The following PTPRQ variants were observed in gnomAD, a reference collection of about 807,000 sequenced individuals.
PTPRQ encodes the protein phosphatidylinositol phosphatase PTPRQ.
PTPRQ carries 199 observed loss-of-function variants against 246.0 expected under a neutral mutation model. The ratio of observed to expected loss-of-function variants is 0.81; its 90% CI spans 0.72 to 0.91. The LOEUF (loss-of-function observed/expected upper bound fraction) is 0.91, where lower values mean the gene tolerates loss of function less well. Ranked by LOEUF, PTPRQ falls within the 40% of genes least tolerant of loss-of-function variation. The pLI, the probability that PTPRQ is intolerant of heterozygous loss-of-function variation, is 0.00. For missense variants in PTPRQ, 2,624 were observed against 2,528.4 expected (o/e 1.04, Z -0.81); for synonymous variants, 869 against 853.2 (o/e 1.02, Z -0.32).
Position 80,496,399 on chromosome 12 carries a change from A to G in PTPRQ, c.2140A>G (p.Thr714Ala). ...TATAGATACTTTATATATGAAGAAC[A>G]CATCAACAACAGACATAATATTAAG... is the stretch of plus-strand genomic sequence containing the variant. The part of the protein sequence containing the change: ...KNIDTLYMKN[T>A]STTDIILRNL... Residue 714 changes from threonine to alanine, a missense_variant, in exon 14 of 45, where the codon ACA (threonine) becomes GCA (alanine). Transcript: ENST00000644991. 1 of 1,550,698 alleles carries G rather than the reference A, an allele frequency of 6.4e-7. No individual in the cohort carries two copies. Among genetic ancestry groups the G allele is most frequent in the South Asian group, 1.2e-5 (1 of 83,974 alleles).
intron 10 of PTPRQ, 54 bp from the exon 11 acceptor site, chr12:80,494,879 T>A: frequency 6.8e-7 from 1 of 1,478,896 alleles, no homozygotes; most frequent in Non-Finnish European, 8.9e-7. Flanking sequence ...AAAATAATTT[T>A]GATTGTGAAG....
intron 42 of PTPRQ, among the ~76,000 whole-genome samples, chr12:80,671,684 A>T (rs145433682): frequency 1.2e-4 from 19 of 152,224 alleles, no homozygotes; most frequent in African/African-American, 4.1e-4. Context: ...CTGAATGACT[A>T]AAAAGTTCTA....
intron 26 of PTPRQ, among the ~76,000 whole-genome samples, chr12:80,594,704 C>T (rs1897911546): frequency 6.6e-6 from 1 of 152,104 alleles, no homozygotes; most frequent in South Asian, 2.1e-4. Context: ...GTTCTTTTTA[C>T]CTACTCTCAT....
chr12:80,509,495 C>G (rs1895061936), intron 16 of PTPRQ, among the ~76,000 whole-genome samples: 1 of 151,928 alleles, frequency 6.6e-6, no homozygotes, highest in South Asian at 2.1e-4. Context: ...AACAATGAAC[C>G]AAATTTTAGT....
chr12:80,575,406 C>A (rs985794364), intron 25 of PTPRQ, among the ~76,000 whole-genome samples: 1 of 151,516 alleles, frequency 6.6e-6, no homozygotes, highest in East Asian at 1.9e-4. Context: ...GGCAATGTAG[C>A]GAGATCCCGT....
intron 36 of PTPRQ, 149 bp from the exon 37 acceptor site, chr12:80,649,439 A>G (rs1304450794): frequency 1.8e-6 from 2 of 1,123,816 alleles, no homozygotes; most frequent in Admixed American, 3.6e-5. Flanking sequence ...TTTTATAAGT[A>G]TAACAGAGTG....
At chr12:80,470,002 T>G (rs908306444) in intron 7 of PTPRQ, among the ~76,000 whole-genome samples, 1 of 152,216 alleles carries the variant, frequency 6.6e-6, no homozygotes, top group African/African-American at 2.4e-5. Context: ...ACAATGGGTG[T>G]AGAAATTCTT....
rs951488511 is a variant in PTPRQ at position 80,455,055 on chromosome 12, C to T, written c.391-2520C>T. 3.3e-5 allele frequency among the ~76,000 whole-genome samples: 5 copies of T among 152,242 alleles called. No individual in the cohort carries two copies. In the South Asian group the frequency reaches 1.0e-3, roughly 32 times the overall value. ...GGGCATGGTGGCGAGTGCCTGTAAT[C>T]CCAGCTACTCTGGGGGTTGAGGCAG... On this transcript the variant is annotated intron_variant, in intron 3 of 44. Coordinates refer to ENST00000644991, the MANE Select transcript of PTPRQ (RefSeq NM_001145026.2).
intron 25 of PTPRQ, among the ~76,000 whole-genome samples, chr12:80,571,295 C>A (rs894960066): frequency 6.6e-6 from 1 of 152,086 alleles, no homozygotes; most frequent in African/African-American, 2.4e-5. Context: ...CAGGCATGTG[C>A]CACCTGGCTA....
At chr12:80,524,467 C>G (rs938605215) in intron 17 of PTPRQ, among the ~76,000 whole-genome samples, 2 of 152,226 alleles carry the variant, frequency 1.3e-5, no homozygotes, top group African/African-American at 4.8e-5. Context: ...TTACCAGTCT[C>G]AGGTATGTCT....
chr12:80,642,930 A>ACAAAAAAAAC (rs762225042), intron 35 of PTPRQ, among the ~76,000 whole-genome samples: 7 of 143,900 alleles, frequency 4.9e-5, no homozygotes, highest in African/African-American at 1.1e-4. Flanking sequence ...AAAAAAAAAA[A>ACAAAAAAAAC]AAAAAAAAAA....
At chr12:80,486,992 T>G (rs1432883532) in intron 9 of PTPRQ, among the ~76,000 whole-genome samples, 1 of 152,150 alleles carries the variant, frequency 6.6e-6, no homozygotes, top group Admixed American at 6.6e-5. Context: ...AAAAGCTAAC[T>G]CTCTCTATTT....
At chr12:80,647,680 G>A (rs1399654583) in intron 35 of PTPRQ, among the ~76,000 whole-genome samples, 1 of 152,026 alleles carries the variant, frequency 6.6e-6, no homozygotes, top group Non-Finnish European at 1.5e-5. Context: ...AGCCCTTTCA[G>A]CCATCTCCAT....
rs1292013387 is a variant in PTPRQ at position 80,535,239 on chromosome 12, A to G, written c.2985+202A>G. Among the ~76,000 whole-genome samples the G allele has an allele frequency of 2.0e-5, 3 of 152,204 alleles. No individual in the cohort carries two copies. In the East Asian group the frequency reaches 5.8e-4, roughly 29 times the overall value. On this transcript the variant is annotated intron_variant, in intron 19 of 44. Transcript: ENST00000644991. Reference sequence around the variant, plus strand: ...TCTCTCTTTACAGACACACACACACACACACACATACAACTTCTATATAAG... The same window carrying G: ...TCTCTCTTTACAGACACACACACACGCACACACATACAACTTCTATATAAG...
At chr12:80,648,029 T>C (rs1900133783) in intron 35 of PTPRQ, among the ~76,000 whole-genome samples, 1 of 152,148 alleles carries the variant, frequency 6.6e-6, no homozygotes, top group East Asian at 1.9e-4. Context: ...TGAATACACC[T>C]CTTTTTGACC....
intron 17 of PTPRQ, among the ~76,000 whole-genome samples, chr12:80,520,952 G>T (rs1895463344): frequency 6.6e-6 from 1 of 151,868 alleles, no homozygotes; most frequent in Non-Finnish European, 1.5e-5. Flanking sequence ...TTCCACAATG[G>T]TTGAACTAGT....
chr12:80,518,401 C>T (rs143052191), intron 17 of PTPRQ, among the ~76,000 whole-genome samples: 7 of 152,194 alleles, frequency 4.6e-5, no homozygotes, highest in African/African-American at 1.7e-4. Flanking sequence ...GTCAGATTGA[C>T]AGTTTGCAAA....
intron 39 of PTPRQ, among the ~76,000 whole-genome samples, chr12:80,659,903 C>G (rs756198451): frequency 4.6e-5 from 7 of 152,004 alleles, no homozygotes; most frequent in Non-Finnish European, 8.8e-5. Flanking sequence ...TGGCAGTGTA[C>G]TGTAGCACTC....
chr12:80,478,253 T>C (rs547966004), intron 8 of PTPRQ, among the ~76,000 whole-genome samples: 8,171 of 148,638 alleles, frequency 0.055, 568 homozygotes, highest in African/African-American at 0.16. Flanking sequence ...CTGGGAGGCA[T>C]CCCCCAGCAG....
Sources: allele counts gnomAD v4.1 joint callset (sites outside exome capture counted in the v4.1 genomes callset), GRCh38; gene constraint gnomAD v4.1.1; transcripts MANE v1.5; gene names NCBI Gene and HGNC (gene_info 2026-07-23, HGNC 2026-07-21).